The following MYO9A variants were observed in gnomAD, a reference collection of about 807,000 sequenced individuals.
The protein encoded by MYO9A is unconventional myosin-IXa.
MYO9A carries 103 observed loss-of-function variants against 293.3 expected under a neutral mutation model. The observed-to-expected ratio is 0.35, with a 90% CI of 0.30 to 0.41. The LOEUF is 0.41. MYO9A is among the 10% of genes least tolerant of loss of function. The pLI, the probability that MYO9A is intolerant of heterozygous loss-of-function variation, is 1.00. For missense variants in MYO9A, 2,685 were observed against 3,033.0 expected (o/e 0.89, Z 2.69); for synonymous variants, 1,001 against 1,035.7 (o/e 0.97, Z 0.64).
intron 18 of MYO9A, among the ~76,000 whole-genome samples, chr15:71,924,192 CAA>C (rs2058229296): frequency 6.6e-6 from 1 of 151,942 alleles, no homozygotes; most frequent in African/African-American, 2.4e-5. Flanking sequence ...TCCCTTGTCA[CAA>C]AAGATACTCC....
At chr15:71,846,947 G>C (rs1201174427) in intron 39 of MYO9A, among the ~76,000 whole-genome samples, 2 of 152,158 alleles carry the variant, frequency 1.3e-5, no homozygotes, top group East Asian at 1.9e-4. Context: ...TTCTACATCT[G>C]GGAGGACACC....
At position 72,035,042 on chromosome 15, in the gene MYO9A, G is replaced by A. The variant is rs139170505; in HGVS notation, c.841-2454C>T. Among the ~76,000 whole-genome samples, 441 of 152,240 alleles carry A rather than the reference G, an allele frequency of 2.9e-3. 3 individuals carry two copies. Among genetic ancestry groups the A allele is most frequent in the African/African-American group, 0.01 (435 of 41,552 alleles). ...CATCACCAACTATTACAGAAATTCC[G>A]TCAAGACCACAATGAGATACTACTA... On this transcript the variant is annotated intron_variant, in intron 2 of 41. Coordinates refer to ENST00000356056, the MANE Select transcript of MYO9A (RefSeq NM_006901.4).
At chr15:71,914,133 C>T (rs563413509) in intron 19 of MYO9A, among the ~76,000 whole-genome samples, 1 of 152,232 alleles carries the variant, frequency 6.6e-6, no homozygotes, top group African/African-American at 2.4e-5. Flanking sequence ...CTCACAAATT[C>T]TAGTTGCCTC....
At chr15:71,950,842 G>A (rs8032280) in intron 15 of MYO9A, among the ~76,000 whole-genome samples, 5,367 of 152,194 alleles carry the variant, frequency 0.035, 143 homozygotes, top group Non-Finnish European at 0.055. Flanking sequence ...TAAATCAGTG[G>A]TAATTTATTA....
chr15:71,994,445 T>C (rs1163114579), intron 10 of MYO9A, 24 bp downstream of exon 10: 1 of 1,414,844 alleles, frequency 7.1e-7, no homozygotes, highest in Non-Finnish European at 9.7e-7. Flanking sequence ...GGGAAAAACA[T>C]ATTATAATCC....
intron 39 of MYO9A, among the ~76,000 whole-genome samples, chr15:71,839,421 T>C (rs2055064189): frequency 6.6e-6 from 1 of 151,794 alleles, no homozygotes; most frequent in Admixed American, 6.5e-5. Context: ...TTTCTTTCTT[T>C]CTTTAAAGAT....
At chr15:72,041,826 A>G (rs1425598102) in intron 2 of MYO9A, among the ~76,000 whole-genome samples, 2 of 152,010 alleles carry the variant, frequency 1.3e-5, no homozygotes, top group Non-Finnish European at 2.9e-5. Context: ...AATAAATATG[A>G]TAACTTAGAT....
intron 1 of MYO9A, among the ~76,000 whole-genome samples, chr15:72,116,011 TA>T (rs980793440): frequency 2.0e-5 from 3 of 151,942 alleles, no homozygotes; most frequent in Non-Finnish European, 2.9e-5. Context: ...TAGTATTAAG[TA>T]AAAAAAACAG....
chr15:72,075,695 C>T (rs941526453), intron 1 of MYO9A, among the ~76,000 whole-genome samples: 1 of 151,900 alleles, frequency 6.6e-6, no homozygotes, highest in Non-Finnish European at 1.5e-5. Flanking sequence ...GAGGCCAAGA[C>T]AAGAGGACTG....
chr15:71,854,258 A>G, intron 35 of MYO9A, 119 bp downstream of exon 35: 1 of 827,740 alleles, frequency 1.2e-6, no homozygotes. Flanking sequence ...GCATCACAGA[A>G]AAGAATGCAT....
At chr15:71,865,926 T>A (rs2056308089) in intron 32 of MYO9A, among the ~76,000 whole-genome samples, 1 of 152,220 alleles carries the variant, frequency 6.6e-6, no homozygotes, top group African/African-American at 2.4e-5. Context: ...TCCCATTTCA[T>A]TACACAGAAT....
chr15:71,943,696 A>T (rs2058837185), intron 15 of MYO9A, among the ~76,000 whole-genome samples: 1 of 152,038 alleles, frequency 6.6e-6, no homozygotes, highest in South Asian at 2.1e-4. Flanking sequence ...AATCTCCCAC[A>T]CTTACTTATG....
Position 71,897,921 on chromosome 15 carries a change from T to C in MYO9A, c.4582A>G (p.Lys1528Glu). 6.2e-7 allele frequency: 1 copy of C among 1,614,180 alleles called. No individual in the cohort carries two copies. Among genetic ancestry groups the C allele is most frequent in the Non-Finnish European group, 8.5e-7 (1 of 1,180,036 alleles). Reference sequence around the variant, plus strand: ...GGCTTTTCAATTGTCTTGAAGGCTTTGCGCTCCTTCTCTAAAATATCTGTT... The same window carrying C: ...GGCTTTTCAATTGTCTTGAAGGCTTCGCGCTCCTTCTCTAAAATATCTGTT... ...QQTDILEKER[K>E]AFKTIEKPRI... is the part of the protein sequence containing the mutation. Residue 1528 changes from lysine to glutamate, a missense_variant, in exon 25 of 42, where the codon AAA becomes GAA. Coordinates refer to ENST00000356056, the MANE Select transcript of MYO9A (RefSeq NM_006901.4).
Position 72,046,274 on chromosome 15 carries a change from C to T in MYO9A, c.290G>A (p.Arg97His). Residue 97 changes from arginine (R) to histidine (H), a missense_variant, in exon 2 of 42, where the codon CGC becomes CAC. Physicochemically the swap from Arg to His is conservative, Grantham distance 29. Coordinates refer to ENST00000356056, the MANE Select transcript of MYO9A (RefSeq NM_006901.4). ...MLWPRMALEN[R>H]LSGEDYRFLL... Reference sequence around the variant, plus strand: ...GAAGCGGTAGTCCTCTCCACTTAAGCGATTTTCCAGAGCCATTCGGGGCCA... The same window carrying T: ...GAAGCGGTAGTCCTCTCCACTTAAGTGATTTTCCAGAGCCATTCGGGGCCA... 3.1e-6 allele frequency: 5 copies of T among 1,613,976 alleles called. No individual in the cohort carries two copies. In the South Asian group the frequency reaches 3.3e-5, roughly 11 times the overall value.
At chr15:71,958,456 C>G (rs1013055593) in intron 14 of MYO9A, 1 of 152,098 alleles carries the variant, frequency 6.6e-6, no homozygotes, top group African/African-American at 2.4e-5. Context: ...CAATTACTTT[C>G]GGAAACAAAT....
Position 71,884,945 on chromosome 15 carries a change from CTCTT to C in MYO9A, c.5256-1213_5256-1210del, listed in dbSNP as rs1406675849. 3.2e-4 allele frequency among the ~76,000 whole-genome samples: 47 copies of C among 147,810 alleles called. No individual in the cohort carries two copies. In the East Asian group the frequency reaches 8.8e-3, roughly 28 times the overall value. Reference sequence around the variant, plus strand: ...TCTATCTGGTTTTGAAGCCCATGAGCTCTTTCTTTCTTCCTTTTTTTTTTTTTTT... The same window carrying C: ...TCTATCTGGTTTTGAAGCCCATGAGCTCTTTCTTCCTTTTTTTTTTTTTTT... On this transcript the variant is annotated intron_variant, in intron 27 of 41. Transcript: ENST00000356056.
In MYO9A at chr15:72,118,084, C is replaced by CCCCGACCCCGCGCACGCGG. The variant is rs2081072191; in HGVS notation, c.-495_-477dup. 5.1e-6 allele frequency: 2 copies of CCCCGACCCCGCGCACGCGG among 393,448 alleles called. No homozygotes were observed. The highest frequency in any genetic ancestry group is 4.4e-5 in the Admixed American group (1 of 22,480). The allele number at this position is 393,448 out of a possible 1,614,324, so 24.4% of individuals were successfully genotyped here. On this transcript the variant is annotated 5_prime_UTR_variant, in exon 1 of 42. Transcript: ENST00000356056. ...TCCCTTATCCGCTTCGGTCGCGCGC[C>CCCCGACCCCGCGCACGCGG]CCCGACCCCGCGCACGCGGCCCCGC...
intron 6 of MYO9A, among the ~76,000 whole-genome samples, chr15:72,011,440 A>T (rs2077171329): frequency 6.6e-6 from 1 of 152,124 alleles, no homozygotes; most frequent in Non-Finnish European, 1.5e-5. Context: ...GTGAAAGTAT[A>T]AAAACCCTCA....
intron 1 of MYO9A, among the ~76,000 whole-genome samples, chr15:72,107,045 T>G (rs1319133876): frequency 3.3e-5 from 5 of 152,200 alleles, no homozygotes; most frequent in South Asian, 4.1e-4. Flanking sequence ...ACTATGATTT[T>G]CAACGTAAAG....
Sources: allele counts gnomAD v4.1 joint callset (sites outside exome capture counted in the v4.1 genomes callset), GRCh38; gene constraint gnomAD v4.1.1; transcripts MANE v1.5; gene names NCBI Gene and HGNC (gene_info 2026-07-23, HGNC 2026-07-21).